The following INSR variants were observed in gnomAD, a reference collection of about 807,000 sequenced individuals.
INSR encodes IR.
Under a neutral mutation model 142.6 loss-of-function variants are expected in INSR, and 67 were observed. The ratio of observed to expected loss-of-function variants is 0.47; its 90% CI spans 0.39 to 0.58. INSR has a LOEUF of 0.58. INSR is among the 20% of genes least tolerant of loss of function. INSR has a pLI of 0.00. For missense variants in INSR, 1,248 were observed against 1,833.2 expected (o/e 0.68, Z 5.83); for synonymous variants, 756 against 743.1 (o/e 1.02, Z -0.28).
intron 1 of INSR, among the ~76,000 whole-genome samples, chr19:7,270,379 A>T (rs1298328742): frequency 6.9e-6 from 1 of 144,560 alleles, no homozygotes; most frequent in Non-Finnish European, 1.5e-5. Context: ...ACACACACAC[A>T]CTGCAGGTAG....
Position 7,115,354 on chromosome 19 carries a change from T to C in INSR, c.*1702A>G, listed in dbSNP as rs2144784723. On this transcript the variant is annotated 3_prime_UTR_variant, in exon 22 of 22. Coordinates refer to ENST00000302850, the MANE Select transcript of INSR (RefSeq NM_000208.4). ...CCATTCGGAAGTTCTTGGTGGTGTG[T>C]AAGGTCTTTTTCACGGTTTCTCCTC... 1.3e-5 allele frequency: 2 copies of C among 152,286 alleles called. 1 individual carries two copies. Among genetic ancestry groups the C allele is most frequent in the South Asian group, 4.1e-4 (2 of 4,820 alleles). The allele number at this position is 152,286 out of a possible 1,614,324, so 9.4% of individuals were successfully genotyped here. A position where few individuals can be genotyped will look rare whatever the true frequency, so the allele number is the denominator to read the frequency against.
At chr19:7,153,355 A>ACC (rs1973484527) in intron 9 of INSR, among the ~76,000 whole-genome samples, 1 of 138,454 alleles carries the variant, frequency 7.2e-6, no homozygotes, top group African/African-American at 3.0e-5. Flanking sequence ...CACAGACCAC[A>ACC]CACCACACAC....
chr19:7,121,312 T>C (rs977385828), intron 19 of INSR, among the ~76,000 whole-genome samples: 4 of 152,138 alleles, frequency 2.6e-5, no homozygotes, highest in African/African-American at 7.2e-5. Context: ...AGATGTCTTT[T>C]TGAGTCATAA....
intron 2 of INSR, among the ~76,000 whole-genome samples, chr19:7,217,806 G>A (rs1375530822): frequency 3.9e-5 from 6 of 152,196 alleles, no homozygotes; most frequent in Non-Finnish European, 8.8e-5. Context: ...TGATCCACCC[G>A]CCTTGGCCTC....
rs767160876 is a variant in INSR, at chr19:7,166,387, G to A, written c.1628C>T (p.Thr543Met). 1.0e-4 allele frequency: 166 copies of A among 1,613,820 alleles called. No individual in the cohort carries two copies. Among genetic ancestry groups the A allele is most frequent in the Non-Finnish European group, 1.3e-4 (149 of 1,179,982 alleles). ...ACACGCATCCTGCCCGTCGAACTCCGTCACATTCTGATAAGGGCTTTCAAG... is the reference window on the plus strand; with the variant it reads ...ACACGCATCCTGCCCGTCGAACTCCATCACATTCTGATAAGGGCTTTCAAG... ...FYKEAPYQNV[T>M]EFDGQDACGS... Residue 543 changes from threonine (T) to methionine (M), a missense_variant, in exon 8 of 22, where the codon ACG becomes ATG. Transcript: ENST00000302850. This position sits in a 1 kb window ranked among gnomAD's most constrained non-coding sequence, Gnocchi z 4.1.
chr19:7,197,460 A>G (rs994983072), intron 2 of INSR, among the ~76,000 whole-genome samples: 1 of 151,582 alleles, frequency 6.6e-6, no homozygotes, highest in African/African-American at 2.4e-5. Context: ...GCGGGGTCCC[A>G]GGGGTCTCCT....
chr19:7,292,026 C>A (rs1348679032), intron 1 of INSR, among the ~76,000 whole-genome samples: 1 of 151,826 alleles, frequency 6.6e-6, no homozygotes, highest in African/African-American at 2.4e-5. Context: ...ATCTCCTGAA[C>A]TGGTGATCCA....
At chr19:7,143,496 C>T (rs1973122675) in intron 11 of INSR, among the ~76,000 whole-genome samples, 2 of 152,176 alleles carry the variant, frequency 1.3e-5, no homozygotes, top group African/African-American at 4.8e-5. Flanking sequence ...GGCATTTGCT[C>T]ATTGGCCCAA....
chr19:7,195,868 T>C (rs1409696154), intron 2 of INSR, among the ~76,000 whole-genome samples: 1 of 151,806 alleles, frequency 6.6e-6, no homozygotes, highest in Non-Finnish European at 1.5e-5. Context: ...CAATGTTAAT[T>C]TCCTGATTTT....
intron 2 of INSR, among the ~76,000 whole-genome samples, chr19:7,231,203 G>A (rs1213019746): frequency 6.6e-6 from 1 of 152,218 alleles, no homozygotes; most frequent in Non-Finnish European, 1.5e-5. Context: ...GCAAAGAGGG[G>A]GGAAGAATTA....
chr19:7,220,677 G>A (rs887813237), intron 2 of INSR, among the ~76,000 whole-genome samples: 3 of 152,182 alleles, frequency 2.0e-5, no homozygotes, highest in Non-Finnish European at 4.4e-5. Context: ...CAGAGCATAT[G>A]TTATGCAGTG....
intron 2 of INSR, among the ~76,000 whole-genome samples, chr19:7,191,246 G>A (rs760064831): frequency 3.3e-5 from 5 of 151,658 alleles, no homozygotes; most frequent in African/African-American, 7.3e-5. Flanking sequence ...GCAGTGAGCC[G>A]AGATTGTGCC....
In INSR at chr19:7,160,142, T is replaced by A. The variant is rs982539900; in HGVS notation, c.2029+2890A>T. On this transcript the variant is annotated intron_variant, in intron 9 of 21. Coordinates refer to ENST00000302850, the MANE Select transcript of INSR (RefSeq NM_000208.4). Reference sequence around the variant, plus strand: ...ATCAAGATCCCCACCTCTAAAAAATTATTATTATTTTTATTATTATTATTT... The same window carrying A: ...ATCAAGATCCCCACCTCTAAAAAATAATTATTATTTTTATTATTATTATTT... Among the ~76,000 whole-genome samples the A allele has an allele frequency of 1.3e-4, 19 of 151,512 alleles. 1 individual carries two copies. In the South Asian group the frequency reaches 4.0e-3, roughly 32 times the overall value.
intron 14 of INSR, among the ~76,000 whole-genome samples, chr19:7,131,173 C>T (rs1972772054): frequency 6.6e-6 from 1 of 151,410 alleles, no homozygotes; most frequent in African/African-American, 2.4e-5. Context: ...AGCCACTGTG[C>T]CCGGCCAGGT....
chr19:7,151,358 CT>C (rs778217156), intron 10 of INSR, among the ~76,000 whole-genome samples: 2 of 151,562 alleles, frequency 1.3e-5, no homozygotes, highest in Non-Finnish European at 2.9e-5. Flanking sequence ...TCACAGCAGC[CT>C]CCAACTCCTG....
At chr19:7,143,631 C>T (rs1973125029) in intron 11 of INSR, among the ~76,000 whole-genome samples, 1 of 152,200 alleles carries the variant, frequency 6.6e-6, no homozygotes, top group Non-Finnish European at 1.5e-5. Flanking sequence ...TCACATCACT[C>T]AGGTCAGGAA....
Position 7,267,402 on chromosome 19 carries a change from T to C in INSR, c.595A>G (p.Thr199Ala). 6.2e-7 allele frequency: 1 copy of C among 1,614,204 alleles called. No homozygotes were observed. The highest frequency in any genetic ancestry group is 8.5e-7 in the Non-Finnish European group (1 of 1,180,040). Reference protein sequence around the residue: ...TAKGKTNCPATVINGQFVERC... With the variant: ...TAKGKTNCPAAVINGQFVERC... ...TCGACAAACTGCCCGTTGATGACGG[T>C]GGCGGGGCAGTTGGTCTTGCCCTTC... The change falls in exon 2 of 22, where the codon ACC becomes GCC. Residue 199 changes from threonine (T) to alanine (A), a missense_variant. Around this residue, in one of 3 missense-constraint regions of INSR, gnomAD observed 1,069 missense variants for 1,654.0 expected, o/e 0.65. Coordinates refer to ENST00000302850, the MANE Select transcript of INSR (RefSeq NM_000208.4). The surrounding 1 kb of genome is among the most constrained non-coding windows in gnomAD (Gnocchi z 6.3).
At chr19:7,219,047 G>A (rs537923966) in intron 2 of INSR, among the ~76,000 whole-genome samples, 2 of 152,176 alleles carry the variant, frequency 1.3e-5, no homozygotes, top group African/African-American at 2.4e-5. Context: ...TGAACCATTC[G>A]CTCTTCTGTG....
At chr19:7,178,668 G>A (rs547542947) in intron 3 of INSR, among the ~76,000 whole-genome samples, 86 of 152,234 alleles carry the variant, frequency 5.6e-4, no homozygotes, top group East Asian at 2.9e-3. Context: ...GCAGTGAGCT[G>A]AGATTGAGCC....
Sources: gnomAD v4.1 joint callset for allele counts (sites outside exome capture counted in the v4.1 genomes callset) on GRCh38, gnomAD v4.1.1 for gene constraint, gnomAD v4.1.1 regional missense constraint, Gnocchi (gnomAD v3.1) non-coding constraint, MANE v1.5 for transcripts, NCBI Gene and HGNC (gene_info 2026-07-23, HGNC 2026-07-21) for gene names.